MROH9: variants seen among roughly 807,000 people sequenced by gnomAD.
MROH9 encodes the protein maestro heat like repeat family member 9.
MROH9 carries 92 observed loss-of-function variants against 98.2 expected under a neutral mutation model. The observed-to-expected ratio is 0.94, with a 90% CI of 0.79 to 1.11. The LOEUF (loss-of-function observed/expected upper bound fraction) is 1.11, where lower values mean the gene tolerates loss of function less well. MROH9 is among the 50% of genes most tolerant of loss of function. The probability of loss-of-function intolerance (pLI) is 0.00; values close to 1 mark genes in which losing one functional copy is unlikely to be tolerated. For missense variants in MROH9, 1,057 were observed against 1,014.8 expected (o/e 1.04, Z -0.57); for synonymous variants, 397 against 368.9 (o/e 1.08, Z -0.87).
At chr1:171,025,590 A>C (rs1437269918) in intron 20 of MROH9, among the ~76,000 whole-genome samples, 170 bp downstream of exon 20, 1 of 152,210 alleles carries the variant, frequency 6.6e-6, no homozygotes, top group African/African-American at 2.4e-5. Flanking sequence ...GTTCTATTTT[A>C]TAATACACAG....
chr1:171,022,615 G>A (rs73040203), intron 17 of MROH9, among the ~76,000 whole-genome samples: 9,230 of 152,024 alleles, frequency 0.061, 875 homozygotes, highest in African/African-American at 0.2. Context: ...GGTGGCAAGG[G>A]GAGGGAGAAC....
intron 20 of MROH9, among the ~76,000 whole-genome samples, chr1:171,049,723 AG>A (rs1653604156): frequency 6.7e-6 from 1 of 150,000 alleles, no homozygotes; most frequent in Non-Finnish European, 1.5e-5. Context: ...TCTCCTCTGT[AG>A]CCCAGGCTGG....
intron 15 of MROH9, among the ~76,000 whole-genome samples, chr1:171,013,849 A>G (rs1652238712): frequency 6.6e-6 from 1 of 150,386 alleles, no homozygotes; most frequent in East Asian, 2.0e-4. Context: ...TCAGTTTCCA[A>G]CAATGGAGGA....
intron 8 of MROH9, among the ~76,000 whole-genome samples, chr1:170,981,067 A>T (rs942340630): frequency 6.6e-6 from 1 of 152,238 alleles, no homozygotes. Flanking sequence ...CCACAATGAG[A>T]TAACATCTCA....
intron 8 of MROH9, among the ~76,000 whole-genome samples, chr1:170,978,669 T>G (rs913668506): frequency 1.2e-4 from 18 of 152,022 alleles, no homozygotes; most frequent in African/African-American, 4.3e-4. Context: ...GATTTTCTAC[T>G]CAGAGAAATT....
At chr1:170,954,259 A>G (rs1245021143) in intron 3 of MROH9, among the ~76,000 whole-genome samples, 1 of 152,002 alleles carries the variant, frequency 6.6e-6, no homozygotes, top group Non-Finnish European at 1.5e-5. Flanking sequence ...TTTTCTCTTC[A>G]TGTTTTCTCC....
chr1:170,972,767 A>C (rs1650509733), intron 8 of MROH9, among the ~76,000 whole-genome samples: 1 of 150,134 alleles, frequency 6.7e-6, no homozygotes, highest in South Asian at 2.1e-4. Flanking sequence ...AGCCGAGATC[A>C]TGCCACTGCA....
intron 1 of MROH9, among the ~76,000 whole-genome samples, chr1:170,941,001 T>C (rs565289224): frequency 6.6e-6 from 1 of 152,300 alleles, no homozygotes; most frequent in African/African-American, 2.4e-5. Context: ...ACATCAGTTA[T>C]AACAAATAAC....
chr1:171,024,299 ATG>A (rs1491241144), intron 17 of MROH9, 94 bp from the exon 18 acceptor site: 28 of 716,220 alleles, frequency 3.9e-5, no homozygotes, highest in Admixed American at 1.3e-4. Context: ...GTATATTTAT[ATG>A]GGGTGTGTGT....
chr1:170,986,661 C>A lies in MROH9; in HGVS notation c.830C>A (p.Ala277Glu). ...GATGATAAAATCGCATCTGATGCAG[C>A]ATCCATACTGATATTTACTCTGGAA... Reference protein sequence around the residue: ...SPDDKIASDAASILIFTLEFH... With the variant: ...SPDDKIASDAESILIFTLEFH... The change falls in exon 10 of 22, where the codon GCA becomes GAA. Residue 277 changes from alanine (A) to glutamate (E), a missense_variant. Coordinates refer to ENST00000367759, the MANE Select transcript of MROH9 (RefSeq NM_001163629.2). The A allele has an allele frequency of 6.2e-7, 1 of 1,613,910 alleles. No homozygotes were observed. The highest frequency in any genetic ancestry group is 8.5e-7 in the Non-Finnish European group (1 of 1,179,902).
At chr1:171,003,541 C>G (rs1651853313) in intron 15 of MROH9, among the ~76,000 whole-genome samples, 2 of 152,206 alleles carry the variant, frequency 1.3e-5, no homozygotes, top group South Asian at 4.1e-4. Flanking sequence ...TGTGAGTCTA[C>G]CAGCCTCTGG....
At chr1:171,008,682 G>C (rs1033603944) in intron 15 of MROH9, among the ~76,000 whole-genome samples, 1 of 152,198 alleles carries the variant, frequency 6.6e-6, no homozygotes, top group Non-Finnish European at 1.5e-5. Context: ...CTTGAGGCCA[G>C]GAGTTTGAGG....
chr1:170,986,710 G>A lies in MROH9; in HGVS notation c.879G>A (p.Met293Ile), dbSNP rs1403128000. ...TLEFHAEKVT[M>I]VSKIVDAIYR... ...AATTTCATGCCGAGAAGGTCACCAT[G>A]GTAAGATACTTGACAATAAGCAGGA... The change falls in exon 10 of 22, where the codon ATG (methionine) becomes ATA (isoleucine). Residue 293 changes from methionine (M) to isoleucine (I), a missense_variant and splice_region_variant. Met to Ile is a conservative substitution (Grantham distance 10). Transcript: ENST00000367759. 19 of 1,613,214 alleles carry A rather than the reference G, an allele frequency of 1.2e-5. No homozygotes were observed. Among genetic ancestry groups the A allele is most frequent in the Non-Finnish European group, 1.6e-5 (19 of 1,179,556 alleles).
chr1:170,978,489 G>A (rs1205441257), intron 8 of MROH9, among the ~76,000 whole-genome samples: 1 of 151,698 alleles, frequency 6.6e-6, no homozygotes, highest in Non-Finnish European at 1.5e-5. Flanking sequence ...GAGGAGTGGG[G>A]GTTGGGTATT....
At chr1:170,989,324 G>A (rs537666331) in intron 10 of MROH9, among the ~76,000 whole-genome samples, 3 of 152,236 alleles carry the variant, frequency 2.0e-5, no homozygotes, top group Admixed American at 2.0e-4. Context: ...TCAAGAATGA[G>A]TAAAAAGGGG....
At chr1:171,061,968 A>G (rs1654028765) in intron 20 of MROH9, among the ~76,000 whole-genome samples, 164 bp from the exon 21 acceptor site, 1 of 152,222 alleles carries the variant, frequency 6.6e-6, no homozygotes, top group Non-Finnish European at 1.5e-5. Flanking sequence ...ATATCTTTCA[A>G]TAAACAATTT....
intron 20 of MROH9, among the ~76,000 whole-genome samples, chr1:171,038,637 A>T (rs957956494): frequency 1.2e-4 from 19 of 152,190 alleles, no homozygotes; most frequent in African/African-American, 4.1e-4. Context: ...TCAGCATTTT[A>T]AAAGTGTTAC....
intron 17 of MROH9, among the ~76,000 whole-genome samples, chr1:171,023,722 G>T (rs1353821479): frequency 6.6e-6 from 1 of 152,038 alleles, no homozygotes; most frequent in African/African-American, 2.4e-5. Flanking sequence ...AATTAACATA[G>T]CCATTACCTC....
intron 1 of MROH9, among the ~76,000 whole-genome samples, chr1:170,944,093 C>T (rs1447614035): frequency 6.6e-6 from 1 of 151,862 alleles, no homozygotes; most frequent in African/African-American, 2.4e-5. Flanking sequence ...GGTTATTAAA[C>T]AAGCAATATA....
Sources: allele counts gnomAD v4.1 joint callset (sites outside exome capture counted in the v4.1 genomes callset), GRCh38; gene constraint gnomAD v4.1.1; transcripts MANE v1.5; gene names NCBI Gene and HGNC (gene_info 2026-07-23, HGNC 2026-07-21).